FKTN: variants seen among roughly 807,000 people sequenced by gnomAD.
FKTN encodes the protein ribitol-5-phosphate transferase FKTN.
A neutral mutation model predicts 58.6 loss-of-function variants in FKTN; 47 were observed. That is an observed-to-expected ratio of 0.80 (90% CI 0.63 to 1.02). The LOEUF (loss-of-function observed/expected upper bound fraction) is 1.02, where lower values mean the gene tolerates loss of function less well. FKTN is among the 50% of genes least tolerant of loss of function. The probability of loss-of-function intolerance (pLI) is 0.00; values close to 1 mark genes in which losing one functional copy is unlikely to be tolerated. For missense variants in FKTN, 516 were observed against 537.3 expected, an observed-to-expected ratio of 0.96 and a Z score of 0.39; for synonymous variants, 178 against 191.9, an observed-to-expected ratio of 0.93 and a Z score of 0.60.
In FKTN at chr9:105,615,280, G is replaced by A; in HGVS notation, c.783G>A (p.Gln261=). 1 of 1,613,862 alleles carries A rather than the reference G, an allele frequency of 6.2e-7. No individual in the cohort carries two copies. Among genetic ancestry groups the A allele is most frequent in the East Asian group, 2.2e-5 (1 of 44,890 alleles). The change falls in exon 8 of 11, where the codon CAG becomes CAA. Residue 261 remains glutamine, a splice_region_variant and synonymous_variant. Coordinates refer to ENST00000357998, the MANE Select transcript of FKTN (RefSeq NM_001079802.2). ...CTGACTATTTATTATATCTGTAGCAGTACCTTGATGATAACACTGTGGAAG... is the reference window on the plus strand; with the variant it reads ...CTGACTATTTATTATATCTGTAGCAATACCTTGATGATAACACTGTGGAAG... ...RYKEARAFFQ[Q]YLDDNTVEAV...
At chr9:105,608,910 C>T (rs1481846196) in intron 7 of FKTN, among the ~76,000 whole-genome samples, 1 of 152,152 alleles carries the variant, frequency 6.6e-6, no homozygotes, top group Non-Finnish European at 1.5e-5. Flanking sequence ...ATATGCCTAC[C>T]ACATAATAAC....
rs922791843 is a variant in FKTN, at chr9:105,636,210, G to T, written c.*946G>T. On this transcript the variant is annotated 3_prime_UTR_variant, in exon 11 of 11. Coordinates refer to ENST00000357998, the MANE Select transcript of FKTN (RefSeq NM_001079802.2). ...TTTTAATGACACTAAAATATTAATA[G>T]AATTTTTTAAATATACTCTAATTTT... 2 of 872,568 alleles carry T rather than the reference G, an allele frequency of 2.3e-6. No individual in the cohort carries two copies. Among genetic ancestry groups the T allele is most frequent in the African/African-American group, 3.6e-5 (2 of 54,948 alleles). 54.1% of individuals were successfully genotyped at this position (872,568 alleles called of 1,614,324 possible). A position where few individuals can be genotyped will look rare whatever the true frequency, so the allele number is the denominator to read the frequency against.
intron 7 of FKTN, among the ~76,000 whole-genome samples, chr9:105,614,508 C>T (rs1261272331): frequency 6.6e-6 from 1 of 152,176 alleles, no homozygotes; most frequent in African/African-American, 2.4e-5. Context: ...AAGAAGTGCA[C>T]TAGATTTGAT....
intron 3 of FKTN, among the ~76,000 whole-genome samples, chr9:105,577,953 T>C (rs1476929578): frequency 3.3e-5 from 5 of 151,950 alleles, no homozygotes; most frequent in Non-Finnish European, 5.9e-5. Context: ...AGTTCACTTA[T>C]GATTTGGCTC....
rs141577126 is a variant in FKTN, at chr9:105,569,188, A to G, written c.-180-4467A>G. Among the ~76,000 whole-genome samples the G allele has an allele frequency of 2.2e-3, 332 of 152,304 alleles. 1 individual carries two copies. Among genetic ancestry groups the G allele is most frequent in the African/African-American group, 7.6e-3 (315 of 41,570 alleles). ...TAGCATTGGTAGATATACCTAATGTAAATGATGAGTTAATGGGTACAGCAC... is the reference window on the plus strand; with the variant it reads ...TAGCATTGGTAGATATACCTAATGTGAATGATGAGTTAATGGGTACAGCAC... On this transcript the variant is annotated intron_variant, in intron 1 of 10. Coordinates refer to ENST00000357998, the MANE Select transcript of FKTN (RefSeq NM_001079802.2).
At chr9:105,605,945 A>C (rs1828812033) in intron 6 of FKTN, among the ~76,000 whole-genome samples, 1 of 152,140 alleles carries the variant, frequency 6.6e-6, no homozygotes, top group Non-Finnish European at 1.5e-5. Context: ...TACCCCATTT[A>C]CTCTGATGTG....
At chr9:105,569,886 A>G (rs774517758) in intron 1 of FKTN, among the ~76,000 whole-genome samples, 9 of 151,878 alleles carry the variant, frequency 5.9e-5, no homozygotes, top group Non-Finnish European at 1.3e-4. Flanking sequence ...TTTCTTTTCC[A>G]TTAGAGATGA....
At chr9:105,560,032 A>G (rs1837995065) in intron 1 of FKTN, among the ~76,000 whole-genome samples, 1 of 152,254 alleles carries the variant, frequency 6.6e-6, no homozygotes, top group South Asian at 2.1e-4. Context: ...TTTACAGCAA[A>G]TAATAAGCAC....
chr9:105,576,069 G>A (rs1294788922), intron 3 of FKTN, among the ~76,000 whole-genome samples: 1 of 151,966 alleles, frequency 6.6e-6, no homozygotes, highest in Non-Finnish European at 1.5e-5. Flanking sequence ...CATAAGACTG[G>A]GGGAAGTTTA....
chr9:105,599,329 T>C (rs1396966791), intron 4 of FKTN, among the ~76,000 whole-genome samples: 3 of 152,198 alleles, frequency 2.0e-5, no homozygotes, highest in Non-Finnish European at 2.9e-5. Context: ...GGATAAATAC[T>C]ACTTGGTCAT....
intron 5 of FKTN, chr9:105,603,679 GTT>G (rs547502085): frequency 2.1e-5 from 3 of 142,854 alleles, no homozygotes; most frequent in Non-Finnish European, 3.1e-5. Flanking sequence ...AGTTTTTTTT[GTT>G]TTTTTTTTTT....
chr9:105,608,477 C>T (rs183176496), intron 7 of FKTN, among the ~76,000 whole-genome samples: 6 of 152,204 alleles, frequency 3.9e-5, no homozygotes, highest in South Asian at 2.1e-4. Context: ...TATTGTGTTC[C>T]GCAGGCTTCT....
At chr9:105,588,148 A>G (rs1426066646) in intron 3 of FKTN, among the ~76,000 whole-genome samples, 6 of 152,242 alleles carry the variant, frequency 3.9e-5, no homozygotes, top group Admixed American at 1.3e-4. Flanking sequence ...CATTTCAAAA[A>G]TGATAGAATT....
chr9:105,586,170 G>T (rs897413517), intron 3 of FKTN, among the ~76,000 whole-genome samples: 35 of 152,304 alleles, frequency 2.3e-4, no homozygotes, highest in Non-Finnish European at 8.8e-5. Flanking sequence ...GCTTTTCTAT[G>T]ATCCTCCAAA....
rs78863983 is a variant in FKTN, at chr9:105,592,749, A to G, written c.106-3849A>G. On this transcript the variant is annotated intron_variant, in intron 3 of 10. Coordinates refer to ENST00000357998, the MANE Select transcript of FKTN (RefSeq NM_001079802.2). ...GCACAATGCAGCCAGGTTGTTTGCTAAGGCATAACAAAAGTGACTTTTTGC... is the reference window on the plus strand; with the variant it reads ...GCACAATGCAGCCAGGTTGTTTGCTGAGGCATAACAAAAGTGACTTTTTGC... Among the ~76,000 whole-genome samples, 1,268 of 152,226 alleles carry G rather than the reference A, an allele frequency of 8.3e-3. 19 individuals are homozygous for G. The highest frequency in any genetic ancestry group is 0.029 in the African/African-American group (1,211 of 41,464).
chr9:105,610,331 T>C (rs926146038), intron 7 of FKTN, among the ~76,000 whole-genome samples: 2 of 152,020 alleles, frequency 1.3e-5, no homozygotes, highest in Non-Finnish European at 2.9e-5. Flanking sequence ...TATATGTCTG[T>C]GTGTATTTAT....
intron 10 of FKTN, among the ~76,000 whole-genome samples, chr9:105,623,702 C>T (rs1236041442): frequency 1.3e-5 from 2 of 152,136 alleles, no homozygotes; most frequent in Non-Finnish European, 2.9e-5. Flanking sequence ...CTGCTATGTG[C>T]TAAGGATACT....
chr9:105,625,186 C>T (rs1464373528), intron 10 of FKTN, among the ~76,000 whole-genome samples: 2 of 152,048 alleles, frequency 1.3e-5, no homozygotes, highest in East Asian at 1.9e-4. Flanking sequence ...ACTTGTATTA[C>T]ATATAACTGC....
Position 105,639,342 on chromosome 9 carries a change from C to A in FKTN, c.*4078C>A. ...TGTGTTGCCATAAAAAGACCACAAG[C>A]TTTTGAGTTAGGCCTGAATTTGAAT... On this transcript the variant is annotated 3_prime_UTR_variant, in exon 11 of 11. Transcript: ENST00000357998. 4.2e-6 allele frequency: 4 copies of A among 946,224 alleles called. No homozygotes were observed. Among genetic ancestry groups the A allele is most frequent in the Non-Finnish European group, 5.0e-6 (4 of 794,242 alleles). The allele number at this position is 946,224 out of a possible 1,614,324, so 58.6% of individuals were successfully genotyped here.
Sources: allele counts gnomAD v4.1 joint callset (sites outside exome capture counted in the v4.1 genomes callset), GRCh38; gene constraint gnomAD v4.1.1; transcripts MANE v1.5; gene names NCBI Gene and HGNC (gene_info 2026-07-23, HGNC 2026-07-21).